CDK14: variants seen among roughly 807,000 people sequenced by gnomAD.
The protein encoded by CDK14 is cyclin-dependent kinase 14.
A neutral mutation model predicts 60.7 loss-of-function variants in CDK14; 34 were observed. That is an observed-to-expected ratio of 0.56 (90% confidence interval 0.43 to 0.75). CDK14 has a LOEUF of 0.75. CDK14 is among the 30% of genes least tolerant of loss of function. The pLI is 0.00. For missense variants in CDK14, 482 were observed against 564.1 expected (o/e 0.85, Z 1.47); for synonymous variants, 197 against 203.7 (o/e 0.97, Z 0.28).
intron 14 of CDK14, among the ~76,000 whole-genome samples, chr7:91,137,820 G>A (rs1800332945): frequency 6.6e-6 from 1 of 152,036 alleles, no homozygotes; most frequent in African/African-American, 2.4e-5. Context: ...TTAGATTTCA[G>A]TTTCATGTAT....
At chr7:90,967,130 G>A (rs1794774478) in intron 9 of CDK14, among the ~76,000 whole-genome samples, 1 of 142,942 alleles carries the variant, frequency 7.0e-6, no homozygotes, top group Non-Finnish European at 1.5e-5. Flanking sequence ...AGGTGGGAGG[G>A]GAGGTAGGGA....
intron 5 of CDK14, among the ~76,000 whole-genome samples, chr7:90,815,295 A>G (rs1236617861): frequency 1.3e-5 from 2 of 152,230 alleles, no homozygotes; most frequent in Non-Finnish European, 2.9e-5. Flanking sequence ...GAAAATGGCC[A>G]TATCAACAAA....
intron 4 of CDK14, among the ~76,000 whole-genome samples, chr7:90,782,025 G>A (rs1399615977): frequency 1.3e-5 from 2 of 152,112 alleles, no homozygotes; most frequent in African/African-American, 2.4e-5. Flanking sequence ...CCATTTTCAC[G>A]ATATTGATTC....
intron 5 of CDK14, among the ~76,000 whole-genome samples, chr7:90,811,022 G>A (rs547471292): frequency 4.7e-4 from 71 of 152,294 alleles, no homozygotes; most frequent in East Asian, 1.9e-3. Context: ...AATCAATATC[G>A]TGAGAATGGC....
intron 8 of CDK14, among the ~76,000 whole-genome samples, chr7:90,928,575 C>T (rs1214988504): frequency 6.6e-6 from 1 of 152,168 alleles, no homozygotes; most frequent in African/African-American, 2.4e-5. Context: ...CCTGATCTTT[C>T]CTCTGGAAGC....
Position 90,785,557 on chromosome 7 carries a change from G to A in CDK14, c.465-5016G>A, listed in dbSNP as rs531926144. 2.0e-5 allele frequency among the ~76,000 whole-genome samples: 3 copies of A among 152,146 alleles called. No homozygotes were observed. In the East Asian group the frequency reaches 5.8e-4, roughly 29 times the overall value. ...TCTCAGCACTATGGGAGGCCGAGAT[G>A]GGCAGATCACGAGGTCAGGAGATGG... On this transcript the variant is annotated intron_variant, in intron 4 of 14. Coordinates refer to ENST00000380050, the MANE Select transcript of CDK14 (RefSeq NM_001287135.2).
chr7:90,744,589 G>A (rs1271950438), intron 3 of CDK14, among the ~76,000 whole-genome samples: 3 of 150,536 alleles, frequency 2.0e-5, no homozygotes, highest in Non-Finnish European at 3.0e-5. Context: ...AGGGGCGGCC[G>A]GGCAGAAGCG....
intron 2 of CDK14, among the ~76,000 whole-genome samples, chr7:90,626,030 A>G (rs118163629): frequency 0.013 from 1,983 of 152,318 alleles, 10 homozygotes; most frequent in Middle Eastern, 0.024. Flanking sequence ...ATTTTAATTT[A>G]TAGTTATACC....
intron 10 of CDK14, among the ~76,000 whole-genome samples, chr7:91,043,142 G>A (rs1010889806): frequency 6.6e-6 from 1 of 152,176 alleles, no homozygotes; most frequent in East Asian, 1.9e-4. Context: ...TTTATGGTAT[G>A]ACCATAATAT....
chr7:90,713,515 CAGATT>C (rs1415417817), intron 2 of CDK14, among the ~76,000 whole-genome samples: 3 of 151,846 alleles, frequency 2.0e-5, no homozygotes, highest in Non-Finnish European at 2.9e-5. Context: ...AATTCAGAAT[CAGATT>C]AATCAAATGC....
At position 90,704,052 on chromosome 7, in the gene CDK14, C is replaced by T. The variant is rs181629830; in HGVS notation, c.124-22515C>T. Among the ~76,000 whole-genome samples, 394 of 152,214 alleles carry T rather than the reference C, an allele frequency of 2.6e-3. 8 individuals are homozygous for T. Among genetic ancestry groups the T allele is most frequent in the Admixed American group, 0.021 (327 of 15,298 alleles). On this transcript the variant is annotated intron_variant, in intron 2 of 14. Coordinates refer to ENST00000380050, the MANE Select transcript of CDK14 (RefSeq NM_001287135.2). ...AGCCTGCTGTAACTCATAATCGTGC[C>T]GCTGTACTTCAGCCTGGGCAACAGA...
chr7:91,106,495 A>G (rs888285526), intron 12 of CDK14, among the ~76,000 whole-genome samples: 6 of 152,206 alleles, frequency 3.9e-5, no homozygotes, highest in African/African-American at 1.4e-4. Flanking sequence ...ATAAATTAGT[A>G]AACATGGGTA....
intron 4 of CDK14, among the ~76,000 whole-genome samples, chr7:90,788,473 A>T (rs1179801544): frequency 1.3e-5 from 2 of 152,186 alleles, no homozygotes; most frequent in Non-Finnish European, 2.9e-5. Flanking sequence ...TCAGGAGAAG[A>T]AGTTGCAGAA....
chr7:90,906,599 T>C (rs1021871407), intron 7 of CDK14, among the ~76,000 whole-genome samples: 2 of 152,114 alleles, frequency 1.3e-5, no homozygotes, highest in Admixed American at 1.3e-4. Flanking sequence ...TATCTAGGAT[T>C]CTAAAACTGT....
intron 14 of CDK14, among the ~76,000 whole-genome samples, chr7:91,147,943 T>A (rs1323935903): frequency 6.6e-6 from 1 of 152,228 alleles, no homozygotes; most frequent in Non-Finnish European, 1.5e-5. Context: ...GACCTTGGGT[T>A]AAATGCTTAT....
chr7:90,761,122 G>A (rs569266604), intron 4 of CDK14, among the ~76,000 whole-genome samples: 24 of 152,166 alleles, frequency 1.6e-4, no homozygotes, highest in Non-Finnish European at 3.2e-4. Context: ...GCAAGAAGAT[G>A]ATTTTAATTA....
At chr7:90,700,998 T>C (rs1446181401) in intron 2 of CDK14, among the ~76,000 whole-genome samples, 1 of 152,236 alleles carries the variant, frequency 6.6e-6, no homozygotes, top group Non-Finnish European at 1.5e-5. Context: ...TGTAGTTTAC[T>C]TTACAATGTC....
intron 14 of CDK14, among the ~76,000 whole-genome samples, chr7:91,180,419 G>C (rs1233289903): frequency 6.6e-6 from 1 of 152,110 alleles, no homozygotes; most frequent in Non-Finnish European, 1.5e-5. Context: ...CAAAAAAGCA[G>C]GTTGCAAAAC....
At chr7:90,855,176 A>G (rs1383153780) in intron 5 of CDK14, among the ~76,000 whole-genome samples, 1 of 152,236 alleles carries the variant, frequency 6.6e-6, no homozygotes, top group Non-Finnish European at 1.5e-5. Context: ...CAGATTTAAC[A>G]TGTTAGATTA....
Sources: allele counts gnomAD v4.1 joint callset (sites outside exome capture counted in the v4.1 genomes callset), GRCh38; gene constraint gnomAD v4.1.1; transcripts MANE v1.5; gene names NCBI Gene and HGNC (gene_info 2026-07-23, HGNC 2026-07-21).